Variants in ATP2B4 observed in about 807,000 individuals in gnomAD.
ATP2B4 encodes ATPase plasma membrane Ca2+ transporting 4.
In ATP2B4, 39 loss-of-function variants were observed where a neutral mutation model predicts 110.3. The observed-to-expected ratio is 0.35, with a 90% CI of 0.27 to 0.46. The LOEUF is 0.46. ATP2B4 is among the 20% of genes least tolerant of loss of function. The probability of loss-of-function intolerance (pLI) is 1.00; values close to 1 mark genes in which losing one functional copy is unlikely to be tolerated. For synonymous variants in ATP2B4, 538 were observed against 571.7 expected (o/e 0.94, Z 0.84); for missense variants, 1,135 against 1,530.9 (o/e 0.74, Z 4.32).
At chr1:203,733,461 A>G (rs1666793680) in intron 20 of ATP2B4, 4 of 1,448,926 alleles carry the variant, frequency 2.8e-6, no homozygotes, top group South Asian at 1.4e-5. Flanking sequence ...AGCACGTGGC[A>G]TCCACTTTAA....
intron 1 of ATP2B4, among the ~76,000 whole-genome samples, chr1:203,681,194 A>G (rs1227520285): frequency 1.3e-5 from 2 of 152,166 alleles, no homozygotes; most frequent in Admixed American, 1.3e-4. Flanking sequence ...GAGTAGTGCT[A>G]AAAATCTATG....
In ATP2B4 at chr1:203,740,100, C is replaced by A. The variant is rs566346815; in HGVS notation, c.*246C>A. On this transcript the variant is annotated 3_prime_UTR_variant, in exon 21 of 21. Coordinates refer to ENST00000357681, the MANE Select transcript of ATP2B4 (RefSeq NM_001684.5). ...CCCATTCAGGTCATGGTAGAATCTA[C>A]TCCTTGGTAGTCACTTGTCATTTTT... 53 of 483,872 alleles carry A rather than the reference C, an allele frequency of 1.1e-4. No homozygotes were observed. In the South Asian group the frequency reaches 1.6e-3, roughly 15 times the overall value. The allele number at this position is 483,872 out of a possible 1,614,324, so 30.0% of individuals were successfully genotyped here. A position where few individuals can be genotyped will look rare whatever the true frequency, so the allele number is the denominator to read the frequency against.
At chr1:203,692,948 A>T (rs145293310) in intron 2 of ATP2B4, among the ~76,000 whole-genome samples, 82 of 152,318 alleles carry the variant, frequency 5.4e-4, no homozygotes, top group African/African-American at 1.9e-3. Flanking sequence ...TCATGTGTTC[A>T]GTCTGGTTCA....
chr1:203,709,514 A>G lies in ATP2B4; in HGVS notation c.1771A>G (p.Lys591Glu). 6.2e-7 allele frequency: 1 copy of G among 1,614,180 alleles called. No homozygotes were observed. The highest frequency in any genetic ancestry group is 8.5e-7 in the Non-Finnish European group (1 of 1,180,024). Residue 591 changes from lysine to glutamate, a missense_variant, in exon 11 of 21, where the codon AAG becomes GAG. Transcript: ENST00000357681. ...NPNGGFRMYS[K>E]GASEIILRKC... ...CAACGGTGGCTTCCGTATGTACAGCAAGGGCGCCTCTGAGATCATCTTGCG... is the reference window on the plus strand; with the variant it reads ...CAACGGTGGCTTCCGTATGTACAGCGAGGGCGCCTCTGAGATCATCTTGCG...
chr1:203,700,619 CCCA>C (rs1397096861), intron 5 of ATP2B4, among the ~76,000 whole-genome samples, 176 bp from the exon 6 acceptor site: 3 of 152,206 alleles, frequency 2.0e-5, no homozygotes, highest in African/African-American at 7.2e-5. Context: ...CCTCCTTACT[CCCA>C]ATTTGTCTGG....
At chr1:203,646,634 A>G (rs999138354) in intron 1 of ATP2B4, among the ~76,000 whole-genome samples, 2 of 152,040 alleles carry the variant, frequency 1.3e-5, no homozygotes, top group Admixed American at 1.3e-4. Context: ...GTGGTGGCAC[A>G]TACCTGTAAT....
chr1:203,733,546 C>G lies in ATP2B4; in HGVS notation c.3309+5975C>G, dbSNP rs1018015837. On this transcript the variant is annotated intron_variant, in intron 20 of 20. Transcript: ENST00000357681. ...TTAAGGGAAGAAAAAGACAAAAATC[C>G]TACTCTAAAACCAGACTGTGTGCCC... The G allele has an allele frequency of 7.6e-5, 62 of 810,668 alleles. No individual in the cohort carries two copies. In the African/African-American group the frequency reaches 1.0e-3, roughly 14 times the overall value. The allele number at this position is 810,668 out of a possible 1,614,324, so 50.2% of individuals were successfully genotyped here. A position where few individuals can be genotyped will look rare whatever the true frequency, so the allele number is the denominator to read the frequency against.
chr1:203,653,651 G>A (rs1664064410), intron 1 of ATP2B4, among the ~76,000 whole-genome samples: 1 of 152,174 alleles, frequency 6.6e-6, no homozygotes, highest in African/African-American at 2.4e-5. Context: ...CACCCCTCAA[G>A]GTTCAAGTGA....
chr1:203,642,232 C>T (rs376525488), intron 1 of ATP2B4, among the ~76,000 whole-genome samples: 1 of 152,120 alleles, frequency 6.6e-6, no homozygotes, highest in African/African-American at 2.4e-5. Flanking sequence ...CAGGTGTGCA[C>T]CACCACACCC....
At chr1:203,645,467 G>GT (rs1375049551) in intron 1 of ATP2B4, among the ~76,000 whole-genome samples, 7 of 151,376 alleles carry the variant, frequency 4.6e-5, no homozygotes, top group African/African-American at 7.3e-5. Context: ...TTTGTGAGGG[G>GT]TTTTTTTATT....
Position 203,698,156 on chromosome 1 carries a change from G to C in ATP2B4, c.194-1G>C. ...TTCATCCACTCCTATCTCCTTTTCA[G>C]GTCTGTCTGGGAACCCTGCAGATCT... On this transcript the variant is annotated splice_acceptor_variant, in intron 2 of 20. Transcript: ENST00000357681. LOFTEE classifies it high-confidence loss of function. 6.2e-7 allele frequency: 1 copy of C among 1,613,954 alleles called. No homozygotes were observed. Among genetic ancestry groups the C allele is most frequent in the South Asian group, 1.1e-5 (1 of 91,072 alleles).
In ATP2B4 at chr1:203,683,210, C is replaced by T. The variant is rs140289832; in HGVS notation, c.5C>T (p.Thr2Met). Residue 2 changes from threonine (T) to methionine (M), a missense_variant, in exon 2 of 21, where the codon ACG becomes ATG. Physicochemically the swap from Thr to Met is moderately conservative, Grantham distance 81 (BLOSUM62 -1). Coordinates refer to ENST00000357681, the MANE Select transcript of ATP2B4 (RefSeq NM_001684.5). M[T>M]NPSDRVLPAN... ...GGCTTGGTAACAGCAGGCAAAATGA[C>T]GAACCCATCAGACCGTGTCTTGCCT... 763 of 1,613,070 alleles carry T rather than the reference C, an allele frequency of 4.7e-4. 6 individuals are homozygous for T. The highest frequency in any genetic ancestry group is 1.2e-3 in the Admixed American group (74 of 59,944).
At chr1:203,706,458 C>T (rs565955166) in intron 8 of ATP2B4, among the ~76,000 whole-genome samples, 1 of 152,304 alleles carries the variant, frequency 6.6e-6, no homozygotes, top group Non-Finnish European at 1.5e-5. Flanking sequence ...TGTGCCGTGA[C>T]AAGAGAAATC....
rs1380361070 is a variant in ATP2B4, at chr1:203,661,453, T to C, written c.-464-21289T>C. Among the ~76,000 whole-genome samples the C allele has an allele frequency of 2.0e-5, 3 of 152,168 alleles. No individual in the cohort carries two copies. In the East Asian group the frequency reaches 5.8e-4, roughly 29 times the overall value. On this transcript the variant is annotated intron_variant, in intron 1 of 20. Coordinates refer to ENST00000357681, the MANE Select transcript of ATP2B4 (RefSeq NM_001684.5). ...ACTAATACAGAGTGATCAAAAAGCC[T>C]GGAGACTTAGTTCCCCATCTTGGGT...
chr1:203,720,797 TG>T (rs1312558815), intron 16 of ATP2B4, 57 bp downstream of exon 16: 43 of 1,546,552 alleles, frequency 2.8e-5, no homozygotes, highest in Non-Finnish European at 3.5e-5. Flanking sequence ...CTAAGGAACA[TG>T]GAGTGAAGAC....
intron 15 of ATP2B4, among the ~76,000 whole-genome samples, chr1:203,717,894 T>G (rs1021047372): frequency 7.2e-5 from 11 of 151,952 alleles, no homozygotes; most frequent in Non-Finnish European, 1.5e-4. Context: ...TCCACCTACC[T>G]CAACCTCCCA....
chr1:203,671,102 G>A (rs61197219), intron 1 of ATP2B4, among the ~76,000 whole-genome samples: 2,183 of 152,336 alleles, frequency 0.014, 27 homozygotes, highest in African/African-American at 0.036. Context: ...AAGGTGGGGA[G>A]AAGGGGTTGA....
Position 203,698,183 on chromosome 1 carries a change from G to C in ATP2B4, c.220G>C (p.Glu74Gln), listed in dbSNP as rs542534953. ...TCTGTCTGGGAACCCTGCAGATCTG[G>C]AGAAACGTAGGCAGGTGTTTGGACA... ...EGLSGNPADL[E>Q]KRRQVFGHNV... is the part of the protein sequence containing the mutation. Residue 74 changes from glutamate (E) to glutamine (Q), a missense_variant, in exon 3 of 21, where the codon GAG becomes CAG. Physicochemically the swap from Glu to Gln is conservative, Grantham distance 29. Coordinates refer to ENST00000357681, the MANE Select transcript of ATP2B4 (RefSeq NM_001684.5). 10 of 1,614,002 alleles carry C rather than the reference G, an allele frequency of 6.2e-6. No homozygotes were observed. The highest frequency in any genetic ancestry group is 5.5e-5 in the South Asian group (5 of 91,090).
In ATP2B4 at chr1:203,720,555, G is replaced by A. The variant is rs369539751; in HGVS notation, c.2413G>A (p.Ala805Thr). The change falls in exon 16 of 21, where the codon GCA becomes ACA. Residue 805 changes from alanine to threonine, a missense_variant. Coordinates refer to ENST00000357681, the MANE Select transcript of ATP2B4 (RefSeq NM_001684.5). ...KADVGFAMGI[A>T]GTDVAKEASD... ...CCCTCCCATCTTACCTCAGGGCATC[G>A]CAGGCACAGATGTAGCAAAGGAGGC... 3.1e-5 allele frequency: 49 copies of A among 1,602,998 alleles called. No individual in the cohort carries two copies. Among genetic ancestry groups the A allele is most frequent in the South Asian group, 1.2e-4 (11 of 88,848 alleles).
Sources: allele counts gnomAD v4.1 joint callset (sites outside exome capture counted in the v4.1 genomes callset), GRCh38; gene constraint gnomAD v4.1.1; transcripts MANE v1.5; gene names NCBI Gene and HGNC (gene_info 2026-07-23, HGNC 2026-07-21).